The following POU6F2 variants were observed in gnomAD, a reference collection of about 807,000 sequenced individuals.
POU6F2 encodes the protein POU class 6 homeobox 2.
In POU6F2, 31 loss-of-function variants were observed where a neutral mutation model predicts 71.3. The ratio of observed to expected loss-of-function variants is 0.43; its 90% confidence interval spans 0.33 to 0.59. The LOEUF (loss-of-function observed/expected upper bound fraction) is 0.59, where lower values mean the gene tolerates loss of function less well. Ranked by LOEUF, POU6F2 falls within the 20% of genes least tolerant of loss-of-function variation. POU6F2 has a pLI of 0.04. For missense variants in POU6F2, 783 were observed against 856.8 expected (o/e 0.91, Z 1.07); for synonymous variants, 347 against 355.7 (o/e 0.98, Z 0.27).
chr7:39,092,203 T>C (rs948296267), intron 2 of POU6F2, among the ~76,000 whole-genome samples: 2 of 152,206 alleles, frequency 1.3e-5, no homozygotes, highest in Non-Finnish European at 2.9e-5. Context: ...TTTCCCGCTG[T>C]CAGGTTAATA....
chr7:39,179,513 C>G (rs1462425313), intron 2 of POU6F2, among the ~76,000 whole-genome samples: 2 of 151,894 alleles, frequency 1.3e-5, no homozygotes, highest in African/African-American at 4.8e-5. Context: ...GGGACTGAGA[C>G]CGCACGCGCG....
chr7:39,352,796 A>G (rs932847694), intron 5 of POU6F2, among the ~76,000 whole-genome samples: 25 of 152,058 alleles, frequency 1.6e-4, no homozygotes, highest in African/African-American at 5.6e-4. Context: ...GGTTTGTTAC[A>G]AAGGTATATC....
chr7:39,225,190 T>C (rs1794439459), intron 4 of POU6F2, among the ~76,000 whole-genome samples: 1 of 152,212 alleles, frequency 6.6e-6, no homozygotes, highest in African/African-American at 2.4e-5. Flanking sequence ...TCTTTTTTTT[T>C]TGAGACAGTG....
chr7:39,012,810 G>C (rs1161615681), intron 1 of POU6F2, among the ~76,000 whole-genome samples: 1 of 149,198 alleles, frequency 6.7e-6, no homozygotes, highest in Non-Finnish European at 1.5e-5. Flanking sequence ...TGCCCCTGCT[G>C]GGGGGTGCCT....
chr7:39,300,003 T>C (rs1190500516), intron 4 of POU6F2, among the ~76,000 whole-genome samples: 1 of 152,142 alleles, frequency 6.6e-6, no homozygotes, highest in Admixed American at 6.5e-5. Flanking sequence ...CAGTCCCAGT[T>C]AGGCCGCCTT....
intron 2 of POU6F2, among the ~76,000 whole-genome samples, chr7:39,125,511 TCA>T (rs1236135047): frequency 6.6e-6 from 1 of 152,132 alleles, no homozygotes; most frequent in African/African-American, 2.4e-5. Flanking sequence ...GCATATATTC[TCA>T]GAGTTTCTGT....
At chr7:39,440,521 T>G (rs917474227) in intron 7 of POU6F2, among the ~76,000 whole-genome samples, 1 of 152,338 alleles carries the variant, frequency 6.6e-6, no homozygotes, top group Middle Eastern at 3.4e-3. Flanking sequence ...TGTGCAGTGT[T>G]TTTCAGTTCC....
chr7:38,979,650 G>A (rs187955241), intron 1 of POU6F2, among the ~76,000 whole-genome samples: 3 of 152,194 alleles, frequency 2.0e-5, no homozygotes, highest in Admixed American at 6.5e-5. Flanking sequence ...AAATAATTGT[G>A]GTGTAGGGAA....
At chr7:39,063,336 A>C (rs1790694869) in intron 1 of POU6F2, among the ~76,000 whole-genome samples, 1 of 152,180 alleles carries the variant, frequency 6.6e-6, no homozygotes, top group African/African-American at 2.4e-5. Flanking sequence ...ATTATAGCAG[A>C]AAATAGGGCT....
intron 2 of POU6F2, among the ~76,000 whole-genome samples, chr7:39,104,858 A>G (rs2128724372): frequency 6.6e-6 from 1 of 152,382 alleles, no homozygotes; most frequent in African/African-American, 2.4e-5. Context: ...TAGTGAAGAG[A>G]TATTTGAATG....
At position 39,110,263 on chromosome 7, in the gene POU6F2, C is replaced by T. The variant is rs58290943; in HGVS notation, c.277+24232C>T. Among the ~76,000 whole-genome samples the T allele has an allele frequency of 2.2e-3, 237 of 109,068 alleles. 1 individual carries two copies. The highest frequency in any genetic ancestry group is 5.5e-3 in the Middle Eastern group (1 of 182). 71.6% of individuals were successfully genotyped at this position (109,068 alleles called of 152,430 possible). On this transcript the variant is annotated intron_variant, in intron 2 of 9. Transcript: ENST00000518318. ...TCCAGGCTGGGACAGAGCGAAACTC[C>T]GTCTCAAAAAAAAAAAAAAAAAATG... is the stretch of plus-strand genomic sequence containing the variant.
chr7:39,273,229 A>G (rs1784370961), intron 4 of POU6F2, among the ~76,000 whole-genome samples: 1 of 152,206 alleles, frequency 6.6e-6, no homozygotes, highest in South Asian at 2.1e-4. Flanking sequence ...AGGATGGGCT[A>G]GACTCTGTGA....
chr7:39,108,326 A>G (rs1322948319), intron 2 of POU6F2, among the ~76,000 whole-genome samples: 1 of 151,536 alleles, frequency 6.6e-6, no homozygotes, highest in Non-Finnish European at 1.5e-5. Context: ...GATGATCCCA[A>G]TTTCTATCCT....
intron 1 of POU6F2, among the ~76,000 whole-genome samples, chr7:39,004,691 T>C (rs567773945): frequency 8.5e-5 from 13 of 152,346 alleles, no homozygotes; most frequent in Admixed American, 7.2e-4. Context: ...ATTATTTACA[T>C]GAATGATACT....
intron 7 of POU6F2, among the ~76,000 whole-genome samples, chr7:39,448,926 A>G (rs1788588454): frequency 6.6e-6 from 1 of 152,218 alleles, no homozygotes; most frequent in South Asian, 2.1e-4. Context: ...TTAAAAATAG[A>G]TTTAATCTTT....
At chr7:38,983,038 C>A (rs1788363486) in intron 1 of POU6F2, among the ~76,000 whole-genome samples, 1 of 152,058 alleles carries the variant, frequency 6.6e-6, no homozygotes, top group Non-Finnish European at 1.5e-5. Context: ...ATTAACATGT[C>A]TGCAAATACT....
chr7:39,020,190 C>T (rs986969320), intron 1 of POU6F2, among the ~76,000 whole-genome samples: 18 of 152,048 alleles, frequency 1.2e-4, no homozygotes, highest in African/African-American at 4.1e-4. Context: ...AAAGTGTTGA[C>T]AAGGATCAAA....
At chr7:39,101,204 G>C (rs1197090037) in intron 2 of POU6F2, among the ~76,000 whole-genome samples, 1 of 151,656 alleles carries the variant, frequency 6.6e-6, no homozygotes, top group East Asian at 1.9e-4. Flanking sequence ...CTCCTGAGTA[G>C]CTGGGATTAC....
chr7:39,367,063 G>A (rs2115736337), intron 5 of POU6F2, among the ~76,000 whole-genome samples: 1 of 152,114 alleles, frequency 6.6e-6, no homozygotes, highest in South Asian at 2.1e-4. Flanking sequence ...GCAATATTTT[G>A]AGAATCACAA....
Sources: gnomAD v4.1 joint callset for allele counts (sites outside exome capture counted in the v4.1 genomes callset) on GRCh38, gnomAD v4.1.1 for gene constraint, MANE v1.5 for transcripts, NCBI Gene and HGNC (gene_info 2026-07-23, HGNC 2026-07-21) for gene names.